Variants in EIF4E3 observed in about 807,000 individuals in gnomAD.
EIF4E3 encodes the protein eukaryotic translation initiation factor 4E type 3.
In EIF4E3, 26 loss-of-function variants were observed where a neutral mutation model predicts 31.7. The observed-to-expected ratio is 0.82, with a 90% CI of 0.60 to 1.14. The LOEUF is 1.14. EIF4E3 is among the 50% of genes most tolerant of loss of function. The pLI is 0.00. For synonymous variants in EIF4E3, 128 were observed against 107.7 expected (o/e 1.19, Z -1.17); for missense variants, 304 against 270.9 (o/e 1.12, Z -0.86).
chr3:71,709,777 G>C (rs1398172933), intron 2 of EIF4E3, among the ~76,000 whole-genome samples: 1 of 152,160 alleles, frequency 6.6e-6, no homozygotes, highest in Admixed American at 6.5e-5. Context: ...TTGAGAATCT[G>C]CTATGTATTA....
At position 71,699,673 on chromosome 3, in the gene EIF4E3, C is replaced by A. The variant is rs1427705985; in HGVS notation, c.285G>T (p.Val95=). The A allele has an allele frequency of 6.2e-7, 1 of 1,613,398 alleles. No homozygotes were observed. Among genetic ancestry groups the A allele is most frequent in the Non-Finnish European group, 8.5e-7 (1 of 1,179,876 alleles). Residue 95 remains valine, a synonymous_variant, in exon 3 of 7, where the codon GTG becomes GTT. Transcript: ENST00000425534. ...FWSVYNNIPP[V]TSLPLRCSYH... ...AACTACATCTCAAAGGCAGGCTAGT[C>A]ACAGGAGGGATATTATTGTATACAC...
chr3:71,694,596 C>T (rs2108032882), intron 4 of EIF4E3, among the ~76,000 whole-genome samples: 1 of 152,272 alleles, frequency 6.6e-6, no homozygotes, highest in South Asian at 2.1e-4. Flanking sequence ...ATAGTGGCAT[C>T]CAATAGACAG....
At chr3:71,741,007 T>G (rs1334405655) in intron 1 of EIF4E3, among the ~76,000 whole-genome samples, 1 of 150,124 alleles carries the variant, frequency 6.7e-6, no homozygotes, top group Non-Finnish European at 1.5e-5. Context: ...GTGGTGGCAT[T>G]CACCTATAGT....
intron 2 of EIF4E3, among the ~76,000 whole-genome samples, chr3:71,702,868 C>G (rs2049237687): frequency 6.6e-6 from 1 of 152,154 alleles, no homozygotes. Flanking sequence ...CTCCTGAAAA[C>G]CTCTTCCGCC....
chr3:71,725,904 A>G (rs995657172), upstream of EIF4E3, among the ~76,000 whole-genome samples: 1 of 152,016 alleles, frequency 6.6e-6, no homozygotes, highest in African/African-American at 2.4e-5. The surrounding 1 kb of genome is among the most constrained non-coding windows in gnomAD (Gnocchi z 6.1). Context: ...TGGAGGAGAG[A>G]AGGAGGGATG....
At chr3:71,752,655 C>T (rs931258827) in intron 1 of EIF4E3, among the ~76,000 whole-genome samples, 37 of 152,146 alleles carry the variant, frequency 2.4e-4, no homozygotes, top group African/African-American at 8.9e-4. Context: ...CAGGCATGAT[C>T]CCTTGCCTTC....
At chr3:71,719,278 A>G (rs912215494) in intron 1 of EIF4E3, among the ~76,000 whole-genome samples, 10 of 152,210 alleles carry the variant, frequency 6.6e-5, no homozygotes, top group African/African-American at 2.2e-4. Flanking sequence ...AATATACTCA[A>G]TTGATATGAT....
At chr3:71,754,463 G>A (rs2049979445), upstream of EIF4E3, 8 of 1,332,878 alleles carry the variant, frequency 6.0e-6, no homozygotes, top group Middle Eastern at 2.5e-4. This position sits in a 1 kb window ranked among gnomAD's most constrained non-coding sequence, Gnocchi z 5.8. Context: ...CCGGCTGGCC[G>A]TGCGCCGCCA....
the EIF4E3 span, among the ~76,000 whole-genome samples, chr3:71,660,370 CTG>C: frequency 6.6e-6 from 1 of 152,004 alleles, no homozygotes; most frequent in Non-Finnish European, 1.5e-5. Context: ...AAAAGAAACA[CTG>C]TGCAGGAGTG....
intron 1 of EIF4E3, among the ~76,000 whole-genome samples, chr3:71,712,846 C>A (rs1457335216): frequency 9.3e-6 from 1 of 107,442 alleles, no homozygotes; most frequent in Non-Finnish European, 1.9e-5. Context: ...ACCATTTAAC[C>A]TAGACCAAAA....
At chr3:71,664,850 A>C in the EIF4E3 span, among the ~76,000 whole-genome samples, 7 of 152,080 alleles carry the variant, frequency 4.6e-5, no homozygotes, top group Non-Finnish European at 1.0e-4. Context: ...ACTCCAGCCT[A>C]GGCGACAGAG....
chr3:71,696,403 A>G (rs2049136306), intron 4 of EIF4E3, 57 bp downstream of exon 4: 3 of 1,589,654 alleles, frequency 1.9e-6, no homozygotes, highest in Non-Finnish European at 2.6e-6. Flanking sequence ...TGCTGATGAC[A>G]GGCAGTCAAC....
chr3:71,694,214 G>A (rs1184243524), intron 4 of EIF4E3, among the ~76,000 whole-genome samples: 5 of 152,310 alleles, frequency 3.3e-5, no homozygotes, highest in Admixed American at 2.6e-4. Context: ...AAATTCAGAA[G>A]AATTTCTAGG....
At chr3:71,685,867 T>C (rs2048984262) in intron 6 of EIF4E3, among the ~76,000 whole-genome samples, 1 of 152,246 alleles carries the variant, frequency 6.6e-6, no homozygotes, top group Admixed American at 6.5e-5. Context: ...GATTCAGGAC[T>C]CTGGGTGCTT....
the EIF4E3 span, among the ~76,000 whole-genome samples, chr3:71,660,406 A>G: frequency 6.6e-6 from 1 of 152,230 alleles, no homozygotes; most frequent in African/African-American, 2.4e-5. Context: ...GAGGCTAAGC[A>G]TGGCCAGGTG....
At chr3:71,705,227 A>G (rs1412909593) in intron 2 of EIF4E3, among the ~76,000 whole-genome samples, 3 of 152,116 alleles carry the variant, frequency 2.0e-5, no homozygotes, top group South Asian at 2.1e-4. Flanking sequence ...ACCATCCTCC[A>G]TGATCAATAC....
intron 1 of EIF4E3, among the ~76,000 whole-genome samples, chr3:71,719,490 G>A (rs2049513467): frequency 6.6e-6 from 1 of 151,824 alleles, no homozygotes; most frequent in South Asian, 2.1e-4. Flanking sequence ...AACCATGATT[G>A]GGTAGGGTTG....
At chr3:71,673,101 G>C (rs2048855268), downstream of EIF4E3, among the ~76,000 whole-genome samples, 1 of 152,200 alleles carries the variant, frequency 6.6e-6, no homozygotes, top group African/African-American at 2.4e-5. Flanking sequence ...CTCTGGGCTT[G>C]TTGACCTGCA....
At chr3:71,709,632 T>C (rs2049346021) in intron 2 of EIF4E3, among the ~76,000 whole-genome samples, 1 of 152,102 alleles carries the variant, frequency 6.6e-6, no homozygotes, top group South Asian at 2.1e-4. Context: ...CCTCCCACCT[T>C]AGCCTCCCAA....
Sources: gnomAD v4.1 joint callset for allele counts (sites outside exome capture counted in the v4.1 genomes callset) on GRCh38, gnomAD v4.1.1 for gene constraint, Gnocchi (gnomAD v3.1) non-coding constraint, MANE v1.5 for transcripts, NCBI Gene and HGNC (gene_info 2026-07-23, HGNC 2026-07-21) for gene names.